DAB1: variants seen among roughly 807,000 people sequenced by gnomAD.
The protein encoded by DAB1 is disabled homolog 1.
In DAB1, 15 loss-of-function variants were observed where a neutral mutation model predicts 64.6. That is an observed-to-expected ratio of 0.23 (90% CI 0.16 to 0.36). DAB1 has a LOEUF of 0.36. Ranked by LOEUF, DAB1 falls within the 10% of genes least tolerant of loss-of-function variation. DAB1 has a pLI of 1.00. For missense variants in DAB1, 596 were observed against 706.7 expected, an observed-to-expected ratio of 0.84 and a Z score of 1.78; for synonymous variants, 235 against 251.9, an observed-to-expected ratio of 0.93 and a Z score of 0.64.
In DAB1 at chr1:57,033,749, A is replaced by G. The variant is rs372185784; in HGVS notation, c.724-7706T>C. ...TATGTTTCTAGCATAAGCAGATGAT[A>G]AAACATGGGTCTGATTAGGAAATAC... On this transcript the variant is annotated intron_variant, in intron 9 of 14. Transcript: ENST00000371236. 2.8e-4 allele frequency among the ~76,000 whole-genome samples: 42 copies of G among 152,356 alleles called. No individual in the cohort carries two copies. The South Asian group carries it at 6.2e-3, about 23-fold the overall frequency.
intron 4 of DAB1, among the ~76,000 whole-genome samples, chr1:57,098,985 G>T (rs2100685128): frequency 6.6e-6 from 1 of 152,298 alleles, no homozygotes; most frequent in Middle Eastern, 3.4e-3. Flanking sequence ...GCATGGACTG[G>T]GACAATTCGT....
intron 9 of DAB1, among the ~76,000 whole-genome samples, chr1:57,033,172 A>ACC (rs1647018745): frequency 2.5e-5 from 1 of 40,306 alleles, no homozygotes; most frequent in South Asian, 7.2e-4. Flanking sequence ...ACTTTTGTTT[A>ACC]CACACACACA....
At position 57,279,930 on chromosome 1, in the gene DAB1, C is replaced by T. The variant is rs186919938; in HGVS notation, c.67+11034G>A. On this transcript the variant is annotated intron_variant, in intron 2 of 14. Coordinates refer to ENST00000371236, the MANE Select transcript of DAB1 (RefSeq NM_001365792.1). ...CATCATTCCCTCCTCTTGCTGAGGCCATCTCAACCTAAAGGCATTACTATT... is the reference window on the plus strand; with the variant it reads ...CATCATTCCCTCCTCTTGCTGAGGCTATCTCAACCTAAAGGCATTACTATT... Among the ~76,000 whole-genome samples, 7 of 152,276 alleles carry T rather than the reference C, an allele frequency of 4.6e-5. No individual in the cohort carries two copies. The East Asian group carries it at 1.4e-3, about 29-fold the overall frequency.
At chr1:57,968,900 G>A (rs1557252) in intron 5 of DAB1, among the ~76,000 whole-genome samples, 132,450 of 152,134 alleles carry the variant, frequency 0.87, 58,065 homozygotes, top group South Asian at 0.94. Flanking sequence ...TCCCTGCATC[G>A]TAAGACTTCT....
chr1:57,531,285 C>T (rs1644659969), intron 7 of DAB1, among the ~76,000 whole-genome samples: 1 of 152,144 alleles, frequency 6.6e-6, no homozygotes, highest in African/African-American at 2.4e-5. Context: ...ACCTTGTGAC[C>T]CCTGCCCTGC....
Position 58,340,365 on chromosome 1 carries a change from G to A in DAB1, n.309+2987C>T, listed in dbSNP as rs147499249. Among the ~76,000 whole-genome samples the A allele has an allele frequency of 6.5e-3, 985 of 152,224 alleles. 4 individuals carry two copies. Among genetic ancestry groups the A allele is most frequent in the Middle Eastern group, 0.017 (5 of 294 alleles). ...GGAAATCTTGTCACCCTCATGAGCC[G>A]GGCCCCTTAAACAAAGAAGCCTTCA... On this transcript the variant is annotated intron_variant and non_coding_transcript_variant, in intron 4 of 20. Transcript: ENST00000485760.
At chr1:57,043,849 G>GAA (rs11366894) in intron 9 of DAB1, among the ~76,000 whole-genome samples, 3 of 140,582 alleles carry the variant, frequency 2.1e-5, no homozygotes, top group African/African-American at 5.2e-5. Flanking sequence ...TCCTACTCAA[G>GAA]AAAAAAAAAA....
chr1:58,277,994 C>T (rs1163508329), intron 4 of DAB1, among the ~76,000 whole-genome samples: 1 of 152,192 alleles, frequency 6.6e-6, no homozygotes, highest in Non-Finnish European at 1.5e-5. Flanking sequence ...CATTTCTGTG[C>T]ATTTGCTTAT....
chr1:57,362,927 T>G (rs902637583), intron 1 of DAB1, among the ~76,000 whole-genome samples: 48 of 152,266 alleles, frequency 3.2e-4, no homozygotes, highest in African/African-American at 1.1e-3. Flanking sequence ...TTGTTTTCAA[T>G]TCTCTTGAAA....
At chr1:57,765,531 A>AT (rs1269819394) in intron 6 of DAB1, among the ~76,000 whole-genome samples, 1 of 152,116 alleles carries the variant, frequency 6.6e-6, no homozygotes, top group Non-Finnish European at 1.5e-5. Context: ...ACGTGAAAGC[A>AT]TATCTAGGGG....
At chr1:58,473,545 A>AAAAAAAAT (rs781287761) in intron 3 of DAB1, among the ~76,000 whole-genome samples, 5 of 122,564 alleles carry the variant, frequency 4.1e-5, no homozygotes, top group Non-Finnish European at 9.3e-5. Flanking sequence ...CCGTCTCAAA[A>AAAAAAAAT]AAATAAATAA....
chr1:57,753,042 T>G (rs1341181430), intron 6 of DAB1, among the ~76,000 whole-genome samples: 2 of 152,194 alleles, frequency 1.3e-5, no homozygotes, highest in Non-Finnish European at 2.9e-5. Context: ...TGGAACAGCA[T>G]GTTGGTTTCA....
chr1:57,474,819 T>G (rs1427767233), intron 7 of DAB1, among the ~76,000 whole-genome samples: 1 of 152,162 alleles, frequency 6.6e-6, no homozygotes, highest in Non-Finnish European at 1.5e-5. Flanking sequence ...TATTATAATA[T>G]AAACATGTAT....
intron 4 of DAB1, among the ~76,000 whole-genome samples, chr1:58,342,222 A>G (rs534813031): frequency 1.3e-5 from 2 of 152,316 alleles, no homozygotes; most frequent in South Asian, 4.1e-4. Flanking sequence ...AGTTTCTAGC[A>G]AACTAAAGCC....
In DAB1 at chr1:58,372,396, C is replaced by T. The variant is rs142995654; in HGVS notation, n.258-28993G>A. On this transcript the variant is annotated intron_variant and non_coding_transcript_variant, in intron 3 of 20. Transcript: ENST00000485760. ...GGGAGCACTTATCCAACGTCTGTAC[C>T]CCCATTGTATCTTGGGGGTATCTAA... 9.0e-3 allele frequency among the ~76,000 whole-genome samples: 1,364 copies of T among 152,254 alleles called. 24 individuals carry two copies. Among genetic ancestry groups the T allele is most frequent in the African/African-American group, 0.032 (1,314 of 41,540 alleles).
At chr1:57,044,542 G>A (rs1054053283) in intron 9 of DAB1, among the ~76,000 whole-genome samples, 1 of 152,222 alleles carries the variant, frequency 6.6e-6, no homozygotes, top group Non-Finnish European at 1.5e-5. Context: ...TTTCCTACTT[G>A]TTCTGGTGCT....
At chr1:58,519,749 A>C (rs1164955560) in intron 2 of DAB1, among the ~76,000 whole-genome samples, 2 of 152,216 alleles carry the variant, frequency 1.3e-5, no homozygotes, top group East Asian at 3.8e-4. Context: ...ATTTTTAAAA[A>C]AATATATGAT....
chr1:57,281,173 A>G (rs1671855930), intron 2 of DAB1, among the ~76,000 whole-genome samples: 1 of 152,174 alleles, frequency 6.6e-6, no homozygotes, highest in Non-Finnish European at 1.5e-5. Flanking sequence ...AAACAGACAC[A>G]GTCCCTGTCC....
intron 7 of DAB1, among the ~76,000 whole-genome samples, chr1:57,521,068 TA>T (rs1353521895): frequency 1.3e-5 from 2 of 151,788 alleles, no homozygotes; most frequent in Non-Finnish European, 2.9e-5. Flanking sequence ...TCGAAGGGAG[TA>T]ACACAGATAG....
Sources: allele counts gnomAD v4.1 joint callset (sites outside exome capture counted in the v4.1 genomes callset), GRCh38; gene constraint gnomAD v4.1.1; transcripts MANE v1.5; gene names NCBI Gene and HGNC (gene_info 2026-07-23, HGNC 2026-07-21).